HOMER2: variants seen among roughly 807,000 people sequenced by gnomAD.
HOMER2 encodes homer protein homolog 2.
A neutral mutation model predicts 47.0 loss-of-function variants in HOMER2; 27 were observed. That is an observed-to-expected ratio of 0.57 (90% confidence interval 0.42 to 0.79). The LOEUF (loss-of-function observed/expected upper bound fraction) is 0.79, where lower values mean the gene tolerates loss of function less well. Among genes scored for constraint, HOMER2 ranks in the 30% least tolerant of loss-of-function variants. The pLI is 0.00. For synonymous variants in HOMER2, 161 were observed against 163.8 expected, an observed-to-expected ratio of 0.98 and a Z score of 0.13; for missense variants, 443 against 435.0, an observed-to-expected ratio of 1.02 and a Z score of -0.16.
chr15:82,881,172 C>T (rs1391025544), intron 2 of HOMER2, among the ~76,000 whole-genome samples: 1 of 152,204 alleles, frequency 6.6e-6, no homozygotes, highest in Non-Finnish European at 1.5e-5. Context: ...AAAGAAGCCA[C>T]CCTAGTAAAA....
intron 1 of HOMER2, among the ~76,000 whole-genome samples, chr15:82,914,613 A>G (rs923817215): frequency 1.3e-5 from 2 of 152,084 alleles, no homozygotes; most frequent in East Asian, 3.9e-4. Context: ...TGGGATGATG[A>G]AAAGTTCTGG....
At chr15:82,968,022 G>A (rs1338077802) in intron 1 of HOMER2, among the ~76,000 whole-genome samples, 2 of 152,064 alleles carry the variant, frequency 1.3e-5, no homozygotes, top group African/African-American at 2.4e-5. Flanking sequence ...ATAACATATT[G>A]TAACAAAATT....
upstream of HOMER2, chr15:82,952,832 G>A: frequency 2.1e-6 from 1 of 466,712 alleles, no homozygotes; most frequent in Non-Finnish European, 2.8e-6. Context: ...CCGCGGCAGC[G>A]AGCCAAGAGG....
intron 2 of HOMER2, among the ~76,000 whole-genome samples, chr15:82,876,306 T>A (rs2052347917): frequency 6.6e-6 from 1 of 152,236 alleles, no homozygotes; most frequent in Non-Finnish European, 1.5e-5. Context: ...GGTAAGAAGA[T>A]AATATCTAGC....
chr15:82,902,197 A>ATTT (rs35594463), intron 1 of HOMER2, among the ~76,000 whole-genome samples: 26,799 of 134,884 alleles, frequency 0.2, 3,260 homozygotes, highest in Non-Finnish European at 0.25. Context: ...CATCCAAGTG[A>ATTT]TTTTTTTTTT....
At chr15:82,854,428 A>G (rs529216268) in intron 6 of HOMER2, among the ~76,000 whole-genome samples, 1 of 152,064 alleles carries the variant, frequency 6.6e-6, no homozygotes, top group Admixed American at 6.5e-5. Flanking sequence ...AGAAAATAAA[A>G]CCAGAAAAGG....
At chr15:82,965,090 G>A (rs1238385924) in intron 1 of HOMER2, among the ~76,000 whole-genome samples, 1 of 152,080 alleles carries the variant, frequency 6.6e-6, no homozygotes, top group Non-Finnish European at 1.5e-5. Flanking sequence ...TGCCATCCTA[G>A]CTCACCGCAG....
At chr15:82,976,799 C>T (rs1011376945) in intron 1 of HOMER2, among the ~76,000 whole-genome samples, 2 of 150,210 alleles carry the variant, frequency 1.3e-5, no homozygotes, top group African/African-American at 4.9e-5. Context: ...GCCTCAGCCT[C>T]CCAAGTAGCT....
intron 1 of HOMER2, among the ~76,000 whole-genome samples, chr15:82,930,829 C>A (rs901525085): frequency 1.1e-4 from 16 of 152,044 alleles, no homozygotes; most frequent in African/African-American, 3.9e-4. Context: ...AGTTTGAGAC[C>A]AGCCTGGCCA....
intron 1 of HOMER2, among the ~76,000 whole-genome samples, chr15:82,982,036 T>C (rs549439361): frequency 3.9e-5 from 6 of 152,290 alleles, no homozygotes; most frequent in African/African-American, 1.4e-4. Flanking sequence ...ATTTAAAAAA[T>C]ATATCTGCTT....
chr15:82,865,301 T>C (rs1264764809), intron 3 of HOMER2, among the ~76,000 whole-genome samples: 1 of 152,220 alleles, frequency 6.6e-6, no homozygotes, highest in Non-Finnish European at 1.5e-5. Context: ...CCTCACCTTT[T>C]CTTTTTGGGG....
chr15:82,872,403 G>A (rs1056895322), intron 3 of HOMER2, among the ~76,000 whole-genome samples: 5 of 151,910 alleles, frequency 3.3e-5, no homozygotes, highest in African/African-American at 7.3e-5. Flanking sequence ...TTTGTGCCTC[G>A]GTATTTTTAA....
chr15:82,983,303 C>G lies in HOMER2; in HGVS notation n.82+2484G>C, dbSNP rs141310809. Among the ~76,000 whole-genome samples the G allele has an allele frequency of 4.8e-3, 724 of 152,280 alleles. 3 individuals carry two copies. The highest frequency in any genetic ancestry group is 8.0e-3 in the Admixed American group (123 of 15,292). ...ACAACAATCGTTAAGTCAAACAGTC[C>G]TGTCGGGGAGCAACTGTACACCAGT... On this transcript the variant is annotated intron_variant and non_coding_transcript_variant, in intron 1 of 1. Transcript: ENST00000500334.
At chr15:82,927,973 CAAAAAA>C (rs928406358) in intron 1 of HOMER2, among the ~76,000 whole-genome samples, 1 of 57,328 alleles carries the variant, frequency 1.7e-5, no homozygotes, top group Non-Finnish European at 4.3e-5. Context: ...AACTCCGTCT[CAAAAAA>C]AAAAAAAAAA....
At chr15:82,981,284 G>A (rs77746936) in intron 1 of HOMER2, among the ~76,000 whole-genome samples, 2,552 of 152,226 alleles carry the variant, frequency 0.017, 45 homozygotes, top group East Asian at 0.098. Context: ...CCAAGATCAC[G>A]AATGGCCTCT....
At chr15:82,897,065 C>CTATTT (rs1328232138) in intron 1 of HOMER2, among the ~76,000 whole-genome samples, 1 of 101,828 alleles carries the variant, frequency 9.8e-6, no homozygotes. Context: ...GATGTCATTT[C>CTATTT]TTTTTTTTTT....
intron 2 of HOMER2, among the ~76,000 whole-genome samples, chr15:82,889,866 G>A (rs989531578): frequency 2.6e-5 from 4 of 152,154 alleles, no homozygotes; most frequent in African/African-American, 7.2e-5. Context: ...AGTGCAGTGT[G>A]GTCAGGTTCT....
intron 1 of HOMER2, among the ~76,000 whole-genome samples, chr15:82,893,095 A>G (rs2052772308): frequency 6.6e-6 from 1 of 152,160 alleles, no homozygotes; most frequent in African/African-American, 2.4e-5. Context: ...ATTTGCTTAA[A>G]AGGCAACTCC....
At chr15:82,852,549 G>T in intron 6 of HOMER2, 2 of 308,424 alleles carry the variant, frequency 6.5e-6, no homozygotes, top group Non-Finnish European at 1.2e-5. Context: ...TTCCTCTCAT[G>T]GCCGTGAAGA....
Sources: gnomAD v4.1 joint callset for allele counts (sites outside exome capture counted in the v4.1 genomes callset) on GRCh38, gnomAD v4.1.1 for gene constraint, MANE v1.5 for transcripts, NCBI Gene and HGNC (gene_info 2026-07-23, HGNC 2026-07-21) for gene names.